The following PHLPP1 variants were observed in gnomAD, a reference collection of about 807,000 sequenced individuals.
PHLPP1 encodes the protein PH domain and leucine rich repeat protein phosphatase 1.
PHLPP1 carries 42 observed loss-of-function variants against 117.2 expected under a neutral mutation model. The observed-to-expected ratio is 0.36, with a 90% CI of 0.28 to 0.46. The LOEUF (loss-of-function observed/expected upper bound fraction) is 0.46. Among genes scored for constraint, PHLPP1 ranks in the 20% least tolerant of loss-of-function variants. The probability of loss-of-function intolerance (pLI) is 1.00; values close to 1 mark genes in which losing one functional copy is unlikely to be tolerated. For synonymous variants in PHLPP1, 1,042 were observed against 970.7 expected (o/e 1.07, Z -1.37); for missense variants, 2,084 against 2,241.9 (o/e 0.93, Z 1.42).
In PHLPP1 at chr18:62,716,107, T is replaced by A; in HGVS notation, c.424T>A (p.Ser142Thr). 6.6e-7 allele frequency: 1 copy of A among 1,505,976 alleles called. No individual in the cohort carries two copies. Among genetic ancestry groups the A allele is most frequent in the Non-Finnish European group, 8.8e-7 (1 of 1,135,084 alleles). 93.3% of individuals were successfully genotyped at this position (1,505,976 alleles called of 1,614,324 possible). ...CGCCGCGGCCGCCTCCTCGTCGTCGTCGTCCTCGGCCGCTGCTGCCTCGCA... is the reference window on the plus strand; with the variant it reads ...CGCCGCGGCCGCCTCCTCGTCGTCGACGTCCTCGGCCGCTGCTGCCTCGCA... Reference protein sequence around the residue: ...AAAAAASSSSSSSAAAASHSP... With the variant: ...AAAAAASSSSTSSAAAASHSP... The change falls in exon 1 of 17, where the codon TCG becomes ACG. Residue 142 changes from serine to threonine, a missense_variant. Ser to Thr is a moderately conservative substitution (Grantham distance 58). Transcript: ENST00000262719. The surrounding 1 kb of genome is among the most constrained non-coding windows in gnomAD (Gnocchi z 5.7).
intron 1 of PHLPP1, among the ~76,000 whole-genome samples, chr18:62,813,202 G>A (rs1326886266): frequency 2.0e-5 from 3 of 152,172 alleles, no homozygotes; most frequent in Non-Finnish European, 2.9e-5. Flanking sequence ...CTCATAAAAG[G>A]GAGGAAGGGC....
intron 1 of PHLPP1, among the ~76,000 whole-genome samples, chr18:62,750,827 A>T (rs1318525148): frequency 1.6e-4 from 24 of 151,920 alleles, no homozygotes; most frequent in Admixed American, 1.6e-3. Flanking sequence ...GGTTTAGGTG[A>T]CAGGTCACCC....
At chr18:62,789,920 G>A (rs760919376) in intron 1 of PHLPP1, among the ~76,000 whole-genome samples, 16 of 152,102 alleles carry the variant, frequency 1.1e-4, no homozygotes, top group Non-Finnish European at 1.9e-4. Flanking sequence ...TAATGAGCTT[G>A]ATAGGTCATT....
chr18:62,815,830 T>C (rs2144315995), intron 1 of PHLPP1, among the ~76,000 whole-genome samples: 1 of 152,364 alleles, frequency 6.6e-6, no homozygotes, highest in Admixed American at 6.5e-5. Context: ...TGTTCTGTTC[T>C]TAAACTTTAA....
At position 62,911,399 on chromosome 18, in the gene PHLPP1, T is replaced by C. The variant is rs2144414114; in HGVS notation, c.2709-3514T>C. Among the ~76,000 whole-genome samples the C allele has an allele frequency of 7.4e-5, 2 of 27,126 alleles. 1 individual carries two copies. The highest frequency in any genetic ancestry group is 2.9e-4 in the African/African-American group (2 of 6,860). The allele number at this position is 27,126 out of a possible 152,430, so 17.8% of individuals were successfully genotyped here. A position where few individuals can be genotyped will look rare whatever the true frequency, so the allele number is the denominator to read the frequency against. ...ATGGGAGAAAATTTTCGCAACCTAC[T>C]CATCTGACAAAGGGCTAATATCCAG... On this transcript the variant is annotated intron_variant, in intron 8 of 16. Coordinates refer to ENST00000262719, the MANE Select transcript of PHLPP1 (RefSeq NM_194449.4).
chr18:62,848,420 G>A (rs906577427), intron 3 of PHLPP1, among the ~76,000 whole-genome samples: 1 of 149,278 alleles, frequency 6.7e-6, no homozygotes, highest in African/African-American at 2.5e-5. Context: ...TGAAGTAGGT[G>A]CTGATAACAA....
intron 1 of PHLPP1, 79 bp from the exon 2 acceptor site, chr18:62,829,956 A>G (rs764541037): frequency 1.2e-4 from 118 of 964,616 alleles, no homozygotes; most frequent in Middle Eastern, 1.1e-3. Flanking sequence ...TTGTTGTCCA[A>G]TTCATATATC....
At chr18:62,837,343 A>G (rs1287190778) in intron 2 of PHLPP1, among the ~76,000 whole-genome samples, 1 of 152,126 alleles carries the variant, frequency 6.6e-6, no homozygotes, top group Non-Finnish European at 1.5e-5. Context: ...TTGGTAAAAC[A>G]TATTTTTTCT....
chr18:62,801,081 C>T (rs1273981392), intron 1 of PHLPP1, among the ~76,000 whole-genome samples: 1 of 129,668 alleles, frequency 7.7e-6, no homozygotes, highest in Non-Finnish European at 1.6e-5. Flanking sequence ...CCCTTTCTTG[C>T]CCTATCTCCC....
intron 1 of PHLPP1, among the ~76,000 whole-genome samples, chr18:62,738,303 T>C (rs990613091): frequency 6.6e-6 from 1 of 151,664 alleles, no homozygotes; most frequent in African/African-American, 2.4e-5. Flanking sequence ...CTGCAGTGAG[T>C]TGTGATGGTG....
intron 3 of PHLPP1, among the ~76,000 whole-genome samples, chr18:62,844,101 CTG>C (rs1423167151): frequency 1.4e-4 from 22 of 152,164 alleles, no homozygotes; most frequent in African/African-American, 5.1e-4. Flanking sequence ...AATCCCAACA[CTG>C]TGGGAGGCTG....
At chr18:62,779,148 T>G (rs1913050443) in intron 1 of PHLPP1, among the ~76,000 whole-genome samples, 1 of 152,194 alleles carries the variant, frequency 6.6e-6, no homozygotes, top group Non-Finnish European at 1.5e-5. Flanking sequence ...CCTCCTCCCC[T>G]TGGTAGCCTT....
At chr18:62,727,040 C>T (rs1280853136) in intron 1 of PHLPP1, among the ~76,000 whole-genome samples, 2 of 151,086 alleles carry the variant, frequency 1.3e-5, no homozygotes, top group African/African-American at 4.9e-5. Flanking sequence ...CCAACCTGAC[C>T]AACATGGTGA....
chr18:62,785,895 C>T (rs916537335), intron 1 of PHLPP1, among the ~76,000 whole-genome samples: 1 of 152,232 alleles, frequency 6.6e-6, no homozygotes, highest in Non-Finnish European at 1.5e-5. Context: ...AGTGCCTGAC[C>T]TGCAACAAGT....
chr18:62,854,570 T>A (rs1016885368), intron 3 of PHLPP1, among the ~76,000 whole-genome samples: 11 of 152,210 alleles, frequency 7.2e-5, no homozygotes, highest in African/African-American at 2.4e-4. Context: ...CTAATTTTCT[T>A]TGCTGTAGTT....
At chr18:62,913,926 A>G (rs111488414) in intron 8 of PHLPP1, among the ~76,000 whole-genome samples, 4,707 of 151,786 alleles carry the variant, frequency 0.031, 270 homozygotes, top group African/African-American at 0.11. Flanking sequence ...GTATTTTTTT[A>G]GTAGAGACAG....
Position 62,978,614 on chromosome 18 carries a change from G to A in PHLPP1, c.4337G>A (p.Gly1446Asp). ...AGGAVPPPSP[G>D]IFPPSVNMVI... ...GGGGCTGTGCCACCACCCAGTCCTG[G>A]CATCTTTCCTCCCTCAGTGAACATG... The change falls in exon 17 of 17, where the codon GGC becomes GAC. Residue 1446 changes from glycine (G) to aspartate (D), a missense_variant. Physicochemically the swap from Gly to Asp is moderately conservative, Grantham distance 94. Around this residue, in one of 2 missense-constraint regions of PHLPP1, gnomAD observed 1,365 missense variants for 1,605.9 expected, o/e 0.85. Coordinates refer to ENST00000262719, the MANE Select transcript of PHLPP1 (RefSeq NM_194449.4). This position sits in a 1 kb window ranked among gnomAD's most constrained non-coding sequence, Gnocchi z 7.0. The A allele has an allele frequency of 1.2e-6, 2 of 1,613,780 alleles. No homozygotes were observed. Among genetic ancestry groups the A allele is most frequent in the South Asian group, 2.2e-5 (2 of 91,066 alleles).
chr18:62,819,483 A>G (rs1272155955), intron 1 of PHLPP1, among the ~76,000 whole-genome samples: 2 of 152,234 alleles, frequency 1.3e-5, no homozygotes, highest in African/African-American at 4.8e-5. Context: ...AGATGGGATA[A>G]GTAGGAAACA....
At chr18:62,782,584 TC>T (rs1403648372) in intron 1 of PHLPP1, among the ~76,000 whole-genome samples, 1 of 152,240 alleles carries the variant, frequency 6.6e-6, no homozygotes, top group African/African-American at 2.4e-5. Context: ...ATGCACTCCA[TC>T]TTTTATATTA....
Sources: gnomAD v4.1 joint callset for allele counts (sites outside exome capture counted in the v4.1 genomes callset) on GRCh38, gnomAD v4.1.1 for gene constraint, gnomAD v4.1.1 regional missense constraint, Gnocchi (gnomAD v3.1) non-coding constraint, MANE v1.5 for transcripts, NCBI Gene and HGNC (gene_info 2026-07-23, HGNC 2026-07-21) for gene names.